MAGI2: variants seen among roughly 807,000 people sequenced by gnomAD.
MAGI2 encodes the protein membrane associated guanylate kinase, WW and PDZ domain containing 2, also known as membrane-associated guanylate kinase, WW and PDZ domain-containing protein 2.
In MAGI2, 35 loss-of-function variants were observed where a neutral mutation model predicts 133.3. The observed-to-expected ratio is 0.26, with a 90% CI of 0.20 to 0.35. MAGI2 has a LOEUF of 0.35. MAGI2 is among the 10% of genes least tolerant of loss of function. MAGI2 has a pLI of 1.00. For synonymous variants in MAGI2, 729 were observed against 710.6 expected (o/e 1.03, Z -0.41); for missense variants, 1,636 against 1,863.4 (o/e 0.88, Z 2.25).
At chr7:78,284,922 G>A (rs1018025719) in intron 9 of MAGI2, among the ~76,000 whole-genome samples, 1 of 152,102 alleles carries the variant, frequency 6.6e-6, no homozygotes, top group African/African-American at 2.4e-5. Flanking sequence ...GAAAATATAT[G>A]CTAAAAATAA....
At chr7:79,382,539 T>C (rs938736207) in intron 1 of MAGI2, among the ~76,000 whole-genome samples, 9 of 151,534 alleles carry the variant, frequency 5.9e-5, no homozygotes, top group African/African-American at 1.9e-4. Flanking sequence ...CACTGGGTAA[T>C]CTGGAGTAAC....
intron 2 of MAGI2, among the ~76,000 whole-genome samples, chr7:78,750,054 C>T (rs919881490): frequency 2.0e-5 from 3 of 152,216 alleles, no homozygotes; most frequent in Non-Finnish European, 2.9e-5. Flanking sequence ...CCGACAGGCC[C>T]TGGTATGTGA....
chr7:79,284,342 C>T (rs1455378103), intron 1 of MAGI2, among the ~76,000 whole-genome samples: 1 of 152,096 alleles, frequency 6.6e-6, no homozygotes, highest in African/African-American at 2.4e-5. Flanking sequence ...TACAAATGGA[C>T]ATCCATGTGT....
intron 2 of MAGI2, among the ~76,000 whole-genome samples, chr7:78,931,024 GA>G (rs958369979): frequency 3.3e-5 from 5 of 152,004 alleles, no homozygotes; most frequent in South Asian, 2.1e-4. Flanking sequence ...AGGAGTAGAA[GA>G]AAAAAAGTGA....
chr7:78,470,642 G>A (rs1791102360), intron 6 of MAGI2, among the ~76,000 whole-genome samples: 1 of 152,086 alleles, frequency 6.6e-6, no homozygotes, highest in South Asian at 2.1e-4. Flanking sequence ...CTTTTAGGAT[G>A]CTACACAGTA....
chr7:78,851,150 A>T (rs1204133420), intron 2 of MAGI2, among the ~76,000 whole-genome samples: 1 of 152,080 alleles, frequency 6.6e-6, no homozygotes, highest in Non-Finnish European at 1.5e-5. Context: ...AATTGAGCAA[A>T]ACTAGAAATA....
chr7:79,413,557 A>G (rs1846283891), intron 1 of MAGI2: 1 of 151,942 alleles, frequency 6.6e-6, no homozygotes, highest in Non-Finnish European at 1.5e-5. Context: ...GGGACCCACC[A>G]CTCCTTTAAT....
chr7:78,194,608 C>T (rs1049228723), intron 12 of MAGI2, among the ~76,000 whole-genome samples: 1 of 152,020 alleles, frequency 6.6e-6, no homozygotes, highest in Non-Finnish European at 1.5e-5. Flanking sequence ...AACCTCACCC[C>T]CCAACCCCCA....
intron 3 of MAGI2, among the ~76,000 whole-genome samples, chr7:78,608,847 T>C (rs1171038505): frequency 2.0e-5 from 3 of 152,224 alleles, no homozygotes; most frequent in Non-Finnish European, 4.4e-5. Context: ...GACTGGCTGT[T>C]TTAGTCAGGG....
intron 1 of MAGI2, among the ~76,000 whole-genome samples, chr7:79,438,235 G>T (rs528169720): frequency 5.3e-5 from 8 of 152,036 alleles, no homozygotes; most frequent in Non-Finnish European, 1.0e-4. Context: ...CACATTATAC[G>T]AGCCGGCGCT....
chr7:78,894,367 G>A (rs1449545989), intron 2 of MAGI2, among the ~76,000 whole-genome samples: 3 of 151,964 alleles, frequency 2.0e-5, no homozygotes, highest in Non-Finnish European at 2.9e-5. Flanking sequence ...GCACATGGGC[G>A]ACAAAGCCAG....
At position 79,065,034 on chromosome 7, in the gene MAGI2, A is replaced by G. The variant is rs187062471; in HGVS notation, c.302-57828T>C. On this transcript the variant is annotated intron_variant, in intron 1 of 21. Transcript: ENST00000354212. ...CTGCAGAGCTATTTATTCACACTAG[A>G]TTACCTTCCTATTTCTGTACTGTAT... Among the ~76,000 whole-genome samples the G allele has an allele frequency of 8.5e-5, 13 of 152,128 alleles. No individual in the cohort carries two copies. In the East Asian group the frequency reaches 2.1e-3, roughly 25 times the overall value.
chr7:78,493,471 T>C (rs1164672009), intron 5 of MAGI2, among the ~76,000 whole-genome samples: 1 of 152,178 alleles, frequency 6.6e-6, no homozygotes. Flanking sequence ...TTAATGCTAA[T>C]GAGCCTTTGT....
intron 1 of MAGI2, among the ~76,000 whole-genome samples, chr7:79,033,885 T>G (rs73367289): frequency 6.6e-6 from 1 of 152,304 alleles, no homozygotes; most frequent in African/African-American, 2.4e-5. Context: ...AGTAATTTTA[T>G]ATCTTTGAGT....
intron 2 of MAGI2, among the ~76,000 whole-genome samples, chr7:78,639,263 C>T (rs1810013740): frequency 6.6e-6 from 1 of 152,152 alleles, no homozygotes; most frequent in Non-Finnish European, 1.5e-5. Context: ...AGAAAGAGGG[C>T]AGTTAACTAT....
At chr7:78,979,485 C>T (rs1804595026) in intron 2 of MAGI2, among the ~76,000 whole-genome samples, 1 of 151,816 alleles carries the variant, frequency 6.6e-6, no homozygotes, top group Admixed American at 6.6e-5. Flanking sequence ...TCAAACAGAC[C>T]AGGTGAATTT....
chr7:78,293,913 C>A (rs757408466), intron 9 of MAGI2, among the ~76,000 whole-genome samples: 1 of 152,052 alleles, frequency 6.6e-6, no homozygotes, highest in Non-Finnish European at 1.5e-5. Flanking sequence ...GGGTGAGGAA[C>A]GTCACACACC....
At chr7:79,362,136 T>A (rs531231957) in intron 1 of MAGI2, among the ~76,000 whole-genome samples, 184 of 151,676 alleles carry the variant, frequency 1.2e-3, no homozygotes, top group Middle Eastern at 3.4e-3. Flanking sequence ...AGCTTTTTTT[T>A]AAAAAAACAA....
At chr7:79,123,554 G>A (rs930936377) in intron 1 of MAGI2, among the ~76,000 whole-genome samples, 7 of 152,048 alleles carry the variant, frequency 4.6e-5, no homozygotes, top group African/African-American at 1.7e-4. Flanking sequence ...GGGAGGCTGA[G>A]GCAGGTGGAT....
Sources: gnomAD v4.1 joint callset for allele counts (sites outside exome capture counted in the v4.1 genomes callset) on GRCh38, gnomAD v4.1.1 for gene constraint, MANE v1.5 for transcripts, NCBI Gene and HGNC (gene_info 2026-07-23, HGNC 2026-07-21) for gene names.